The following TBL1XR1 variants were observed in gnomAD, a reference collection of about 807,000 sequenced individuals.
TBL1XR1 encodes F-box-like/WD repeat-containing protein TBL1XR1.
A neutral mutation model predicts 66.9 loss-of-function variants in TBL1XR1; 5 were observed. The ratio of observed to expected loss-of-function variants is 0.07; its 90% CI spans 0.04 to 0.16. The LOEUF is 0.16. TBL1XR1 is among the 10% of genes least tolerant of loss of function. TBL1XR1 has a pLI of 1.00. For synonymous variants in TBL1XR1, 210 were observed against 206.0 expected (o/e 1.02, Z -0.17); for missense variants, 238 against 623.2 (o/e 0.38, Z 6.58).
Position 177,023,291 on chromosome 3 carries a change from G to C in TBL1XR1, c.*2207C>G, listed in dbSNP as rs1300834895. On this transcript the variant is annotated 3_prime_UTR_variant, in exon 16 of 16. Transcript: ENST00000457928. ...ACTCAAAACATTTGTGTCTATTCCTGGGAGCACATTTTAAAATTATTGCAC... is the reference window on the plus strand; with the variant it reads ...ACTCAAAACATTTGTGTCTATTCCTCGGAGCACATTTTAAAATTATTGCAC... 1 of 152,242 alleles carries C rather than the reference G, an allele frequency of 6.6e-6. No individual in the cohort carries two copies. The highest frequency in any genetic ancestry group is 1.5e-5 in the Non-Finnish European group (1 of 67,880). 9.4% of individuals were successfully genotyped at this position (152,242 alleles called of 1,614,324 possible). A position where few individuals can be genotyped will look rare whatever the true frequency, so the allele number is the denominator to read the frequency against.
chr3:177,090,425 T>C (rs1410998239), intron 2 of TBL1XR1, among the ~76,000 whole-genome samples: 1 of 150,516 alleles, frequency 6.6e-6, no homozygotes, highest in Non-Finnish European at 1.5e-5. Context: ...AGGCCTGTAA[T>C]CCCAGCACTT....
chr3:177,132,497 T>C (rs373166286), intron 1 of TBL1XR1, among the ~76,000 whole-genome samples: 6 of 152,208 alleles, frequency 3.9e-5, no homozygotes, highest in African/African-American at 1.2e-4. Context: ...CATGTGACTT[T>C]TCTTTAGCAA....
chr3:177,155,628 T>C (rs1434277288), intron 1 of TBL1XR1, among the ~76,000 whole-genome samples: 1 of 152,234 alleles, frequency 6.6e-6, no homozygotes, highest in African/African-American at 2.4e-5. Context: ...AGATAGTTTT[T>C]TTCTTTTTTC....
At chr3:177,114,742 G>C (rs1430288463) in intron 1 of TBL1XR1, among the ~76,000 whole-genome samples, 1 of 151,920 alleles carries the variant, frequency 6.6e-6, no homozygotes, top group Non-Finnish European at 1.5e-5. Context: ...TTGGGACGCT[G>C]AGATGGGAAG....
chr3:177,038,788 A>C (rs2108439289), intron 10 of TBL1XR1, among the ~76,000 whole-genome samples: 1 of 152,274 alleles, frequency 6.6e-6, no homozygotes, highest in African/African-American at 2.4e-5. Context: ...AAAATCTGTG[A>C]GTGTTCAATG....
intron 2 of TBL1XR1, among the ~76,000 whole-genome samples, chr3:177,086,009 T>C (rs528546916): frequency 1.2e-4 from 18 of 152,130 alleles, no homozygotes; most frequent in African/African-American, 4.3e-4. Flanking sequence ...ATTTGTAAAA[T>C]GAGAACTAAA....
At chr3:177,156,147 G>A (rs7639836) in intron 1 of TBL1XR1, among the ~76,000 whole-genome samples, 3,632 of 103,698 alleles carry the variant, frequency 0.035, 166 homozygotes, top group African/African-American at 0.11. Context: ...TCATGAAAAC[G>A]TGAAACTTCT....
chr3:177,153,646 G>A (rs1387392600), intron 1 of TBL1XR1, among the ~76,000 whole-genome samples: 4 of 152,148 alleles, frequency 2.6e-5, no homozygotes, highest in Non-Finnish European at 5.9e-5. Context: ...CCAGCACTTT[G>A]GGAGGCCGGG....
intron 1 of TBL1XR1, among the ~76,000 whole-genome samples, chr3:177,162,646 T>C (rs1366809458): frequency 6.6e-6 from 1 of 152,210 alleles, no homozygotes; most frequent in East Asian, 1.9e-4. Context: ...ACTTAACATC[T>C]GTTCATTTTA....
chr3:177,174,408 C>CAAAA (rs59132617), intron 1 of TBL1XR1, among the ~76,000 whole-genome samples: 1,506 of 57,896 alleles, frequency 0.026, 110 homozygotes, highest in African/African-American at 0.089. Flanking sequence ...GACTCCATCT[C>CAAAA]AAAAAAAAAA....
chr3:177,151,763 C>T (rs760175533), intron 1 of TBL1XR1, among the ~76,000 whole-genome samples: 14 of 152,178 alleles, frequency 9.2e-5, no homozygotes, highest in Non-Finnish European at 1.8e-4. Flanking sequence ...CAGACGGGCA[C>T]GGTGGCTCAC....
intron 1 of TBL1XR1, among the ~76,000 whole-genome samples, chr3:177,120,523 G>A (rs984183222): frequency 1.3e-5 from 2 of 151,940 alleles, no homozygotes; most frequent in African/African-American, 4.8e-5. Flanking sequence ...ATCTGACTAC[G>A]TTCCCTTACA....
chr3:177,135,071 C>T (rs1728768458), intron 1 of TBL1XR1, among the ~76,000 whole-genome samples: 1 of 151,218 alleles, frequency 6.6e-6, no homozygotes, highest in South Asian at 2.1e-4. Flanking sequence ...GATGCCATCT[C>T]TGCTCACTGC....
chr3:177,093,794 T>C (rs573043733), intron 2 of TBL1XR1, among the ~76,000 whole-genome samples: 1 of 152,308 alleles, frequency 6.6e-6, no homozygotes, highest in African/African-American at 2.4e-5. Flanking sequence ...AACTGTATCC[T>C]CATCTCTCAC....
intron 1 of TBL1XR1, among the ~76,000 whole-genome samples, chr3:177,119,151 T>C (rs1726680570): frequency 6.6e-6 from 1 of 152,090 alleles, no homozygotes; most frequent in Admixed American, 6.5e-5. Flanking sequence ...TTTGTATTTT[T>C]AGTAGAGATG....
chr3:177,158,471 C>T (rs1414576666), intron 1 of TBL1XR1, among the ~76,000 whole-genome samples: 1 of 152,140 alleles, frequency 6.6e-6, no homozygotes, highest in Non-Finnish European at 1.5e-5. Context: ...TCATGATCCG[C>T]CCGCCTCGGC....
At chr3:177,181,920 T>A (rs1734874434) in intron 1 of TBL1XR1, among the ~76,000 whole-genome samples, 1 of 151,916 alleles carries the variant, frequency 6.6e-6, no homozygotes, top group Admixed American at 6.6e-5. Context: ...AACACCCCAA[T>A]TCAGGTTTAA....
intron 1 of TBL1XR1, among the ~76,000 whole-genome samples, chr3:177,181,853 G>A (rs1038683529): frequency 2.1e-4 from 31 of 150,576 alleles, no homozygotes; most frequent in Non-Finnish European, 2.8e-4. Flanking sequence ...ACATGATGAA[G>A]GGTCTAAAGA....
chr3:177,121,528 T>C (rs1726973739), intron 1 of TBL1XR1, among the ~76,000 whole-genome samples: 1 of 152,148 alleles, frequency 6.6e-6, no homozygotes, highest in African/African-American at 2.4e-5. Context: ...TTCCAAACAA[T>C]GTGCAATTTT....
Sources: gnomAD v4.1 joint callset for allele counts (sites outside exome capture counted in the v4.1 genomes callset) on GRCh38, gnomAD v4.1.1 for gene constraint, MANE v1.5 for transcripts, NCBI Gene and HGNC (gene_info 2026-07-23, HGNC 2026-07-21) for gene names.